Variants in AIFM2 observed in about 807,000 individuals in gnomAD.
AIFM2 encodes the protein ferroptosis suppressor protein 1.
A neutral mutation model predicts 35.7 loss-of-function variants in AIFM2; 38 were observed. The observed-to-expected ratio is 1.06, with a 90% CI of 0.82 to 1.39. The LOEUF (loss-of-function observed/expected upper bound fraction) is 1.39. Among genes scored for constraint, AIFM2 ranks in the 40% most tolerant of loss-of-function variants. AIFM2 has a pLI of 0.00. For missense variants in AIFM2, 476 were observed against 491.2 expected, an observed-to-expected ratio of 0.97 and a Z score of 0.29; for synonymous variants, 185 against 203.5, an observed-to-expected ratio of 0.91 and a Z score of 0.77.
chr10:70,116,077 C>T (rs1237282341), intron 7 of AIFM2, among the ~76,000 whole-genome samples: 1 of 152,162 alleles, frequency 6.6e-6, no homozygotes, highest in Admixed American at 6.5e-5. Context: ...AAGCAACCAC[C>T]AGGCCTGGCC....
At chr10:70,122,674 G>A (rs1220832077) in intron 3 of AIFM2, among the ~76,000 whole-genome samples, 1 of 152,254 alleles carries the variant, frequency 6.6e-6, no homozygotes, top group Non-Finnish European at 1.5e-5. Context: ...CCGAGGGCTG[G>A]CCAGGCCTGG....
rs1048363506 is a variant in AIFM2, at chr10:70,132,719, G to A, written c.-14+15C>T. Reference sequence around the variant, plus strand: ...GCCCGGGGTCTCGAGAGCCCGCCTGGCGGCGCGATCTCACCTGTCGGCCGC... The same window carrying A: ...GCCCGGGGTCTCGAGAGCCCGCCTGACGGCGCGATCTCACCTGTCGGCCGC... On this transcript the variant is annotated intron_variant, in intron 1 of 8. Coordinates refer to ENST00000307864, the MANE Select transcript of AIFM2 (RefSeq NM_032797.6). 7 of 152,378 alleles carry A rather than the reference G, an allele frequency of 4.6e-5. No individual in the cohort carries two copies. The highest frequency in any genetic ancestry group is 1.7e-4 in the African/African-American group (7 of 41,164). The allele number at this position is 152,378 out of a possible 1,614,324, so 9.4% of individuals were successfully genotyped here. A position where few individuals can be genotyped will look rare whatever the true frequency, so the allele number is the denominator to read the frequency against.
intron 7 of AIFM2, 152 bp downstream of exon 7, chr10:70,116,470 G>A (rs981412373): frequency 1.9e-6 from 2 of 1,073,112 alleles, no homozygotes; most frequent in African/African-American, 1.5e-5. Flanking sequence ...GCTCAGCAAG[G>A]GTGGACCCTC....
rs567979677 is a variant in AIFM2, at chr10:70,115,096, G to A, written c.794C>T (p.Ala265Val). 91 of 1,613,914 alleles carry A rather than the reference G, an allele frequency of 5.6e-5. 1 individual carries two copies. The South Asian group carries it at 9.1e-4, about 16-fold the overall frequency. The part of the protein sequence containing the change: ...AFESRLASSG[A>V]LRVNEHLQVE... ...CTGGAGGTGCTCGTTCACTCTCAGA[G>A]CACCACTGCTGGCTAGTCTGCTCTC... Residue 265 changes from alanine (A) to valine (V), a missense_variant, in exon 8 of 9, where the codon GCT (alanine) becomes GTT (valine). Physicochemically the swap from Ala to Val is moderately conservative, Grantham distance 64. Transcript: ENST00000307864.
rs764985186 is a variant in AIFM2, at chr10:70,114,988, T to A, written c.902A>T (p.His301Leu). The change falls in exon 8 of 9, where the codon CAC (histidine) becomes CTC (leucine). Residue 301 changes from histidine (H) to leucine (L), a missense_variant. Coordinates refer to ENST00000307864, the MANE Select transcript of AIFM2 (RefSeq NM_032797.6). ...TPKMAYLAGL[H>L]ANIAVANIVN... ...GATGTTGGCCACGGCGATGTTGGCG[T>A]GGAGGCCGGCAAGATAGGCCATCTT... The A allele has an allele frequency of 6.2e-7, 1 of 1,614,212 alleles. No homozygotes were observed. Among genetic ancestry groups the A allele is most frequent in the South Asian group, 1.1e-5 (1 of 91,082 alleles).
rs753255314 is a variant in AIFM2 at position 70,117,718 on chromosome 10, A to G, written c.616+94T>C. On this transcript the variant is annotated intron_variant, in intron 6 of 8. Transcript: ENST00000307864. The surrounding 1 kb of genome is among the most constrained non-coding windows in gnomAD (Gnocchi z 4.7). ...GAAAAGAGAGAGCCTGGGGTGGACCATAGCCACCCTCCTGCTGGAAGCAGT... is the reference window on the plus strand; with the variant it reads ...GAAAAGAGAGAGCCTGGGGTGGACCGTAGCCACCCTCCTGCTGGAAGCAGT... The G allele has an allele frequency of 8.7e-6, 9 of 1,036,664 alleles. No homozygotes were observed. Among genetic ancestry groups the G allele is most frequent in the Non-Finnish European group, 1.3e-5 (9 of 712,654 alleles). The allele number at this position is 1,036,664 out of a possible 1,614,324, so 64.2% of individuals were successfully genotyped here.
chr10:70,118,859 C>T (rs550693354), intron 5 of AIFM2, among the ~76,000 whole-genome samples: 1 of 152,228 alleles, frequency 6.6e-6, no homozygotes, highest in South Asian at 2.1e-4. Flanking sequence ...CTCCTAACTC[C>T]TTGGATGTTC....
chr10:70,129,911 G>A (rs2072609957), intron 1 of AIFM2, among the ~76,000 whole-genome samples: 1 of 150,948 alleles, frequency 6.6e-6, no homozygotes, highest in African/African-American at 2.4e-5. Flanking sequence ...ATGAGATGTA[G>A]GCTGACTCAC....
At position 70,131,584 on chromosome 10, in the gene AIFM2, C is replaced by T. The variant is rs1429009394; in HGVS notation, c.-14+1150G>A. Among the ~76,000 whole-genome samples, 1 of 152,196 alleles carries T rather than the reference C, an allele frequency of 6.6e-6. No individual in the cohort carries two copies. Among genetic ancestry groups the T allele is most frequent in the Non-Finnish European group, 1.5e-5 (1 of 68,030 alleles). On this transcript the variant is annotated intron_variant, in intron 1 of 8. Coordinates refer to ENST00000307864, the MANE Select transcript of AIFM2 (RefSeq NM_032797.6). This position sits in a 1 kb window ranked among gnomAD's most constrained non-coding sequence, Gnocchi z 4.1. ...GAAAACCTAGGCCAAGCAATTTGTC[C>T]ATCCTCCTCAGAGCCAGTTTTGTGG...
Position 70,124,030 on chromosome 10 carries a change from C to T in AIFM2, c.55G>A (p.Gly19Arg). Residue 19 changes from glycine (G) to arginine (R), a missense_variant, in exon 2 of 9, where the codon GGG becomes AGG. Gly to Arg is a moderately radical substitution (Grantham distance 125, BLOSUM62 -2). Coordinates refer to ENST00000307864, the MANE Select transcript of AIFM2 (RefSeq NM_032797.6). ...GCTGCTGCGATCCCGCCAAAGCCCC[C>T]ACCCACAATCACCACGTGCAGAGCT... ...SGALHVVIVG[G>R]GFGGIAAASQ... is the part of the protein sequence containing the mutation. The T allele has an allele frequency of 1.2e-6, 2 of 1,611,242 alleles. No individual in the cohort carries two copies. Among genetic ancestry groups the T allele is most frequent in the Non-Finnish European group, 1.7e-6 (2 of 1,178,654 alleles).
rs1329104990 is a variant in AIFM2 at position 70,113,988 on chromosome 10, AG to A, written c.*189del. On this transcript the variant is annotated 3_prime_UTR_variant, in exon 9 of 9. Transcript: ENST00000307864. ...TTCCAAACCCAGAAAGTATCCTCTA[AG>A]GGGGGTATTTGTTTAATACCTCTCT... 2 of 703,476 alleles carry A rather than the reference AG, an allele frequency of 2.8e-6. No individual in the cohort carries two copies. The highest frequency in any genetic ancestry group is 3.1e-5 in the Admixed American group (1 of 31,910). 43.6% of individuals were successfully genotyped at this position (703,476 alleles called of 1,614,324 possible).
chr10:70,119,457 AGAATT>A (rs1217854161), intron 5 of AIFM2, among the ~76,000 whole-genome samples: 1 of 152,186 alleles, frequency 6.6e-6, no homozygotes, highest in African/African-American at 2.4e-5. Flanking sequence ...AGGTAGTGTC[AGAATT>A]GAATTGAACC....
At chr10:70,127,020 G>T (rs1352768246) in intron 1 of AIFM2, among the ~76,000 whole-genome samples, 3 of 152,216 alleles carry the variant, frequency 2.0e-5, no homozygotes, top group Non-Finnish European at 4.4e-5. Flanking sequence ...TGCCAACTGG[G>T]CCAGAAGGGA....
Position 70,117,942 on chromosome 10 carries a change from G to A in AIFM2, c.508-22C>T, listed in dbSNP as rs1244583857. 1 of 1,560,324 alleles carries A rather than the reference G, an allele frequency of 6.4e-7. No homozygotes were observed. The highest frequency in any genetic ancestry group is 8.8e-7 in the Non-Finnish European group (1 of 1,136,768). ...TGACCTGAGGACAAAACGACCACAG[G>A]GCCTGAGAAGGAGCCCCCAAGTCTT... On this transcript the variant is annotated intron_variant, in intron 5 of 8. Coordinates refer to ENST00000307864, the MANE Select transcript of AIFM2 (RefSeq NM_032797.6). This position sits in a 1 kb window ranked among gnomAD's most constrained non-coding sequence, Gnocchi z 4.7.
chr10:70,126,122 C>G (rs531878056), intron 1 of AIFM2, among the ~76,000 whole-genome samples: 2 of 152,332 alleles, frequency 1.3e-5, no homozygotes, highest in East Asian at 3.9e-4. Flanking sequence ...CTCAGGCAGG[C>G]AGAGGGCTGC....
intron 8 of AIFM2, 124 bp downstream of exon 8, chr10:70,114,796 G>T: frequency 8.3e-7 from 1 of 1,211,358 alleles, no homozygotes; most frequent in Non-Finnish European, 1.2e-6. Flanking sequence ...GCTCTAAGGG[G>T]ATGTTTCCAT....
Position 70,117,882 on chromosome 10 carries a change from C to T in AIFM2, c.546G>A (p.Lys182=). ...CCTGCCGGACGGAGGGCAGGAGCTC[C>T]TTGTCAGCCAGGGCCACTTGGGAGT... ...LIHSQVALAD[K]ELLPSVRQEV... is the part of the protein sequence containing the mutation. Residue 182 remains lysine, a synonymous_variant, in exon 6 of 9, where the codon AAG becomes AAA. Transcript: ENST00000307864. This position sits in a 1 kb window ranked among gnomAD's most constrained non-coding sequence, Gnocchi z 4.7. The T allele has an allele frequency of 1.2e-6, 2 of 1,607,278 alleles. No individual in the cohort carries two copies. The highest frequency in any genetic ancestry group is 2.3e-5 in the East Asian group (1 of 44,110).
chr10:70,121,953 G>A (rs564038564), intron 3 of AIFM2, among the ~76,000 whole-genome samples: 7 of 151,876 alleles, frequency 4.6e-5, no homozygotes, highest in East Asian at 3.9e-4. Context: ...TTAGCTGGGC[G>A]TGGTGCCATG....
intron 1 of AIFM2, among the ~76,000 whole-genome samples, chr10:70,127,150 G>A (rs574804071): frequency 4.6e-5 from 7 of 152,232 alleles, no homozygotes; most frequent in Non-Finnish European, 1.0e-4. Flanking sequence ...CGTGGGTGGC[G>A]TGTGTTTCAC....
Sources: allele counts gnomAD v4.1 joint callset (sites outside exome capture counted in the v4.1 genomes callset), GRCh38; gene constraint gnomAD v4.1.1; non-coding constraint Gnocchi (gnomAD v3.1); transcripts MANE v1.5; gene names NCBI Gene and HGNC (gene_info 2026-07-23, HGNC 2026-07-21).